Variants in CNTNAP2 observed in about 807,000 individuals in gnomAD.
The protein encoded by CNTNAP2 is contactin-associated protein-like 2.
Under a neutral mutation model 155.2 loss-of-function variants are expected in CNTNAP2, and 98 were observed. The ratio of observed to expected loss-of-function variants is 0.63; its 90% confidence interval spans 0.54 to 0.75. CNTNAP2 has a LOEUF of 0.75. Among genes scored for constraint, CNTNAP2 ranks in the 30% least tolerant of loss-of-function variants. The pLI is 0.00. For missense variants in CNTNAP2, 1,727 were observed against 1,688.1 expected (o/e 1.02, Z -0.40); for synonymous variants, 651 against 631.2 (o/e 1.03, Z -0.47).
At chr7:147,123,241 A>T (rs1246906465) in intron 6 of CNTNAP2, among the ~76,000 whole-genome samples, 1 of 152,214 alleles carries the variant, frequency 6.6e-6, no homozygotes, top group Non-Finnish European at 1.5e-5. Context: ...CTCCCAATGT[A>T]TGAGAGATCT....
At chr7:147,446,134 T>G (rs1797735029) in intron 10 of CNTNAP2, among the ~76,000 whole-genome samples, 1 of 151,570 alleles carries the variant, frequency 6.6e-6, no homozygotes, top group Non-Finnish European at 1.5e-5. Context: ...TTTTTTTTTT[T>G]TTTTTTTAAC....
intron 21 of CNTNAP2, among the ~76,000 whole-genome samples, chr7:148,295,912 C>G (rs1797275578): frequency 6.6e-6 from 1 of 152,144 alleles, no homozygotes; most frequent in African/African-American, 2.4e-5. Context: ...AAGCAAGGGT[C>G]TTCCCTCTGC....
intron 8 of CNTNAP2, among the ~76,000 whole-genome samples, chr7:147,202,747 T>C (rs1259424675): frequency 1.3e-5 from 2 of 151,712 alleles, no homozygotes; most frequent in Admixed American, 6.6e-5. Context: ...AGTTGAACAA[T>C]GAGAACACAT....
intron 15 of CNTNAP2, among the ~76,000 whole-genome samples, chr7:148,029,993 T>C (rs538437157): frequency 6.6e-6 from 1 of 152,324 alleles, no homozygotes; most frequent in South Asian, 2.1e-4. Context: ...AATATCATAC[T>C]CTCTGGTTGG....
At chr7:147,050,491 C>T (rs1799452120) in intron 4 of CNTNAP2, among the ~76,000 whole-genome samples, 1 of 152,064 alleles carries the variant, frequency 6.6e-6, no homozygotes, top group Admixed American at 6.5e-5. Flanking sequence ...TCATTCAATG[C>T]AAATCGTGAT....
At chr7:147,102,793 CAGTGGG>C (rs1800683065) in intron 4 of CNTNAP2, among the ~76,000 whole-genome samples, 2 of 152,046 alleles carry the variant, frequency 1.3e-5, no homozygotes, top group African/African-American at 4.8e-5. Flanking sequence ...AAAAGAAAGG[CAGTGGG>C]TTAGGAGGAA....
At chr7:147,570,111 T>C (rs974730265) in intron 12 of CNTNAP2, among the ~76,000 whole-genome samples, 4 of 152,126 alleles carry the variant, frequency 2.6e-5, no homozygotes, top group Non-Finnish European at 2.9e-5. Flanking sequence ...TCAGGATAAT[T>C]ACCCATTTGA....
intron 21 of CNTNAP2, among the ~76,000 whole-genome samples, chr7:148,316,356 A>AG (rs1292984425): frequency 1.3e-5 from 2 of 151,776 alleles, no homozygotes; most frequent in African/African-American, 4.8e-5. Flanking sequence ...TATTAAAAAA[A>AG]AAAGAAATGG....
chr7:147,280,013 A>C (rs1804994236), intron 8 of CNTNAP2, among the ~76,000 whole-genome samples: 1 of 151,952 alleles, frequency 6.6e-6, no homozygotes, highest in Admixed American at 6.6e-5. Context: ...AAGTGATCTT[A>C]CAGTGACTTA....
chr7:146,980,060 A>G lies in CNTNAP2; in HGVS notation c.403-63847A>G, dbSNP rs541032427. ...TGGTTAGTGATGCTTTTTCCATTAGATTTGAAGTCATTGACGTTGTCCAGG... is the reference window on the plus strand; with the variant it reads ...TGGTTAGTGATGCTTTTTCCATTAGGTTTGAAGTCATTGACGTTGTCCAGG... On this transcript the variant is annotated intron_variant, in intron 3 of 23. Transcript: ENST00000361727. 1.5e-3 allele frequency among the ~76,000 whole-genome samples: 225 copies of G among 152,214 alleles called. 1 individual carries two copies. The highest frequency in any genetic ancestry group is 3.4e-3 in the Middle Eastern group (1 of 294).
chr7:146,883,187 CA>C (rs1286072711), intron 3 of CNTNAP2, among the ~76,000 whole-genome samples: 12 of 152,074 alleles, frequency 7.9e-5, no homozygotes, highest in African/African-American at 2.9e-4. Flanking sequence ...TGCATTTGTA[CA>C]TTGTATTTTT....
intron 1 of CNTNAP2, among the ~76,000 whole-genome samples, chr7:146,368,491 C>G (rs1206781246): frequency 6.6e-6 from 1 of 152,116 alleles, no homozygotes; most frequent in Non-Finnish European, 1.5e-5. Flanking sequence ...CTGCCAGTCA[C>G]TATCCCTTTG....
intron 13 of CNTNAP2, among the ~76,000 whole-genome samples, chr7:147,680,756 C>T (rs903667027): frequency 4.6e-5 from 7 of 151,796 alleles, no homozygotes; most frequent in African/African-American, 1.7e-4. Flanking sequence ...TGCTCTCTCT[C>T]TCTCTGTCTC....
chr7:147,322,759 T>TA (rs1396456226), intron 9 of CNTNAP2, among the ~76,000 whole-genome samples: 1 of 143,064 alleles, frequency 7.0e-6, no homozygotes, highest in South Asian at 2.4e-4. Context: ...CAGCTCCTGT[T>TA]ATTGGTCTAT....
At position 146,324,789 on chromosome 7, in the gene CNTNAP2, A is replaced by ATATG. The variant is rs1440817609; in HGVS notation, c.97+207818_97+207821dup. Among the ~76,000 whole-genome samples the ATATG allele has an allele frequency of 3.2e-4, 48 of 152,208 alleles. No homozygotes were observed. In the Middle Eastern group the frequency reaches 0.014, roughly 43 times the overall value. ...ATTGGAAGAGTAATTATATATATAT[A>ATATG]TATGTGCTGATATAAAACTATTTTA... On this transcript the variant is annotated intron_variant, in intron 1 of 23. Coordinates refer to ENST00000361727, the MANE Select transcript of CNTNAP2 (RefSeq NM_014141.6).
intron 1 of CNTNAP2, among the ~76,000 whole-genome samples, chr7:146,515,488 T>C (rs1797527628): frequency 6.6e-6 from 1 of 152,108 alleles, no homozygotes; most frequent in South Asian, 2.1e-4. Context: ...ATATTACTGG[T>C]GATAGTCTTG....
chr7:146,897,540 C>T (rs1030930322), intron 3 of CNTNAP2, among the ~76,000 whole-genome samples: 3 of 152,076 alleles, frequency 2.0e-5, no homozygotes, highest in Admixed American at 1.3e-4. Context: ...AGCTTCCCTA[C>T]AGAAACTGGA....
intron 15 of CNTNAP2, among the ~76,000 whole-genome samples, chr7:148,054,697 C>T (rs1802975805): frequency 6.6e-6 from 1 of 151,942 alleles, no homozygotes; most frequent in South Asian, 2.1e-4. Flanking sequence ...TAGTTCTTTG[C>T]TGATCATCCC....
chr7:148,213,945 A>T (rs1381749241), intron 18 of CNTNAP2, among the ~76,000 whole-genome samples: 4 of 151,992 alleles, frequency 2.6e-5, no homozygotes, highest in Non-Finnish European at 5.9e-5. Flanking sequence ...AAGCACGTGA[A>T]GTTTGTCCAG....
Sources: gnomAD v4.1 joint callset for allele counts (sites outside exome capture counted in the v4.1 genomes callset) on GRCh38, gnomAD v4.1.1 for gene constraint, MANE v1.5 for transcripts, NCBI Gene and HGNC (gene_info 2026-07-23, HGNC 2026-07-21) for gene names.